The following LINGO2 variants were observed in gnomAD, a reference collection of about 807,000 sequenced individuals.
LINGO2 encodes leucine-rich repeat and immunoglobulin-like domain-containing nogo receptor-interacting protein 2.
LINGO2 carries 14 observed loss-of-function variants against 30.6 expected under a neutral mutation model. That is an observed-to-expected ratio of 0.46 (90% CI 0.30 to 0.72). LINGO2 has a LOEUF of 0.72. Among genes scored for constraint, LINGO2 ranks in the 30% least tolerant of loss-of-function variants. The probability of loss-of-function intolerance (pLI) is 0.07; values close to 1 mark genes in which losing one functional copy is unlikely to be tolerated. For missense variants in LINGO2, 729 were observed against 751.7 expected (o/e 0.97, Z 0.35); for synonymous variants, 317 against 288.5 (o/e 1.10, Z -1.00).
intron 4 of LINGO2, among the ~76,000 whole-genome samples, chr9:28,040,806 C>A (rs1333695054): frequency 6.6e-6 from 1 of 152,024 alleles, no homozygotes; most frequent in African/African-American, 2.4e-5. Flanking sequence ...ATTTTGAACC[C>A]AGGGGTGTCT....
the LINGO2 span, among the ~76,000 whole-genome samples, chr9:28,995,507 A>G: frequency 1.3e-5 from 2 of 152,318 alleles, no homozygotes; most frequent in African/African-American, 4.8e-5. Flanking sequence ...TGACCCAGCC[A>G]TCCCATTACT....
chr9:28,324,025 GCT>G (rs556682001), intron 3 of LINGO2, among the ~76,000 whole-genome samples: 81 of 152,212 alleles, frequency 5.3e-4, no homozygotes, highest in South Asian at 1.9e-3. Context: ...GCTTTCTACA[GCT>G]CTTATATAAA....
chr9:28,296,257 G>C (rs1032644555), intron 3 of LINGO2, among the ~76,000 whole-genome samples: 4 of 152,136 alleles, frequency 2.6e-5, no homozygotes, highest in Non-Finnish European at 5.9e-5. Flanking sequence ...AGACGATCAG[G>C]ATGATATTAA....
the LINGO2 span, among the ~76,000 whole-genome samples, chr9:28,850,014 C>A: frequency 6.6e-6 from 1 of 151,976 alleles, no homozygotes; most frequent in Admixed American, 6.6e-5. Context: ...TTAGTAACTG[C>A]TTACTGAGTG....
chr9:28,606,189 G>A (rs1825687400), intron 1 of LINGO2, among the ~76,000 whole-genome samples: 1 of 151,872 alleles, frequency 6.6e-6, no homozygotes, highest in South Asian at 2.1e-4. Context: ...ACATAAATAG[G>A]GACCATCTTT....
intron 1 of LINGO2, among the ~76,000 whole-genome samples, chr9:28,521,145 G>A (rs535177406): frequency 3.9e-5 from 6 of 152,222 alleles, no homozygotes; most frequent in East Asian, 1.9e-4. Context: ...ATATCATTCC[G>A]TTGTAGGTTC....
chr9:28,693,504 A>C, the LINGO2 span, among the ~76,000 whole-genome samples: 1 of 152,148 alleles, frequency 6.6e-6, no homozygotes, highest in Non-Finnish European at 1.5e-5. Context: ...TAAAATAATA[A>C]TTATTCTACC....
intron 4 of LINGO2, among the ~76,000 whole-genome samples, chr9:28,075,211 T>G (rs11795041): frequency 0.038 from 5,800 of 152,074 alleles, 148 homozygotes; most frequent in African/African-American, 0.054. Context: ...ATAAGGAGTA[T>G]CAAAGCATAG....
intron 3 of LINGO2, among the ~76,000 whole-genome samples, chr9:28,306,120 C>T (rs115329282): frequency 6.6e-4 from 101 of 152,258 alleles, no homozygotes; most frequent in African/African-American, 2.4e-3. Flanking sequence ...ATGTAGGTTG[C>T]ACCTCTACTC....
At chr9:28,997,003 T>A in the LINGO2 span, among the ~76,000 whole-genome samples, 2 of 152,232 alleles carry the variant, frequency 1.3e-5, no homozygotes, top group Non-Finnish European at 2.9e-5. Context: ...AGGCAAGGAC[T>A]GCAAATTAGA....
intron 3 of LINGO2, among the ~76,000 whole-genome samples, chr9:28,318,950 C>T (rs965975544): frequency 2.6e-5 from 4 of 152,088 alleles, no homozygotes; most frequent in African/African-American, 9.7e-5. Flanking sequence ...TGTTCAGCTG[C>T]TTGCTACATA....
chr9:28,861,114 T>A, the LINGO2 span, among the ~76,000 whole-genome samples: 1 of 119,480 alleles, frequency 8.4e-6, no homozygotes, highest in East Asian at 2.1e-4. Flanking sequence ...TAAAATATAT[T>A]TATATAATAT....
chr9:28,035,621 CAT>C (rs1823893666), intron 4 of LINGO2, among the ~76,000 whole-genome samples: 1 of 152,106 alleles, frequency 6.6e-6, no homozygotes, highest in Non-Finnish European at 1.5e-5. Context: ...TCAGTGAAAA[CAT>C]TTAAGTATCT....
chr9:29,050,513 G>C, the LINGO2 span, among the ~76,000 whole-genome samples: 13 of 152,180 alleles, frequency 8.5e-5, no homozygotes, highest in African/African-American at 3.1e-4. Context: ...AGAAATTAAC[G>C]AGACTGGTTA....
At chr9:29,026,087 G>GC in the LINGO2 span, among the ~76,000 whole-genome samples, 5 of 151,748 alleles carry the variant, frequency 3.3e-5, no homozygotes, top group Non-Finnish European at 7.4e-5. Context: ...AGTCTGGAGT[G>GC]CAGTGGCATG....
chr9:28,365,548 G>A (rs529638990), intron 3 of LINGO2, among the ~76,000 whole-genome samples: 29 of 152,222 alleles, frequency 1.9e-4, no homozygotes, highest in African/African-American at 6.7e-4. Context: ...AGGCCTGGGT[G>A]AGGGTTGATT....
chr9:28,309,415 C>T, intron 3 of LINGO2, among the ~76,000 whole-genome samples: 1 of 147,972 alleles, frequency 6.8e-6, no homozygotes, highest in Non-Finnish European at 1.5e-5. Flanking sequence ...GGGAACATCA[C>T]ACTCTGGGGA....
intron 3 of LINGO2, among the ~76,000 whole-genome samples, chr9:28,311,856 T>A (rs1467518569): frequency 6.6e-6 from 1 of 152,182 alleles, no homozygotes; most frequent in Non-Finnish European, 1.5e-5. Flanking sequence ...GCATAGGAAA[T>A]CACAAGGGTA....
chr9:28,723,190 A>C, the LINGO2 span, among the ~76,000 whole-genome samples: 1 of 152,104 alleles, frequency 6.6e-6, no homozygotes, highest in African/African-American at 2.4e-5. Flanking sequence ...TGACTCAGTA[A>C]ATGTTAGGTA....
Sources: gnomAD v4.1 joint callset for allele counts (sites outside exome capture counted in the v4.1 genomes callset) on GRCh38, gnomAD v4.1.1 for gene constraint, MANE v1.5 for transcripts, NCBI Gene and HGNC (gene_info 2026-07-23, HGNC 2026-07-21) for gene names.